RAB40C: variants seen among roughly 807,000 people sequenced by gnomAD.
The protein encoded by RAB40C is ras-related protein Rab-40C.
In RAB40C, 8 loss-of-function variants were observed where a neutral mutation model predicts 28.1. That is an observed-to-expected ratio of 0.28 (90% CI 0.17 to 0.51). The LOEUF is 0.51. RAB40C is among the 20% of genes least tolerant of loss of function. The pLI is 0.97. For synonymous variants in RAB40C, 201 were observed against 171.7 expected (o/e 1.17, Z -1.34); for missense variants, 288 against 405.9 (o/e 0.71, Z 2.50).
At chr16:616,408 G>A (rs2036586340) in intron 1 of RAB40C, among the ~76,000 whole-genome samples, 3 of 150,780 alleles carry the variant, frequency 2.0e-5, no homozygotes, top group Admixed American at 6.6e-5. Context: ...ACATGATCTC[G>A]GCTCACTGCA....
chr16:621,551 C>T (rs901149129), intron 3 of RAB40C, among the ~76,000 whole-genome samples: 8 of 152,254 alleles, frequency 5.3e-5, no homozygotes, highest in African/African-American at 1.4e-4. Flanking sequence ...AGGCCCTTCA[C>T]GTGCCGCCGA....
At chr16:621,637 C>T (rs1461966066) in intron 3 of RAB40C, among the ~76,000 whole-genome samples, 2 of 152,226 alleles carry the variant, frequency 1.3e-5, no homozygotes, top group African/African-American at 2.4e-5. Flanking sequence ...CTCTCAGAAG[C>T]GGGTGCCACA....
chr16:627,790 C>A lies in RAB40C; in HGVS notation c.*168C>A. On this transcript the variant is annotated 3_prime_UTR_variant, in exon 6 of 6. Coordinates refer to ENST00000248139, the MANE Select transcript of RAB40C (RefSeq NM_021168.5). ...GGGTGCGAGGAGGAGCATGCACGGA[C>A]CAAGCGCGGCAGGCGGGAGGAGGGG... 1.2e-6 allele frequency: 1 copy of A among 811,480 alleles called. No homozygotes were observed. 50.3% of individuals were successfully genotyped at this position (811,480 alleles called of 1,614,324 possible).
rs375325900 is a variant in RAB40C at position 625,907 on chromosome 16, C to T, written c.351C>T (p.Pro117=). ...GAGTTCTGTGCCCCCAGCATGCACC[C>T]GGAGTCCCCCGGATCTTGGTTGGAA... is the stretch of plus-strand genomic sequence containing the variant. ...RWIKEIDEHA[P]GVPRILVGNR... is the part of the protein sequence containing the mutation. The change falls in exon 5 of 6, where the codon CCC becomes CCT. Residue 117 remains proline (P), a synonymous_variant. Coordinates refer to ENST00000248139, the MANE Select transcript of RAB40C (RefSeq NM_021168.5). 28 of 1,612,076 alleles carry T rather than the reference C, an allele frequency of 1.7e-5. 1 individual carries two copies. The highest frequency in any genetic ancestry group is 9.9e-5 in the South Asian group (9 of 90,946).
At chr16:617,086 G>T in intron 1 of RAB40C, 122 bp from the exon 2 acceptor site, 1 of 1,015,318 alleles carries the variant, frequency 9.8e-7, no homozygotes, top group Non-Finnish European at 1.5e-6. Context: ...GCTGAGTGTG[G>T]GGGAGCTGCT....
chr16:611,442 G>T (rs2036482597), intron 1 of RAB40C, among the ~76,000 whole-genome samples: 1 of 152,336 alleles, frequency 6.6e-6, no homozygotes, highest in South Asian at 2.1e-4. Context: ...CAGCCTCATG[G>T]GGGCTTCAAC....
chr16:617,393 C>T (rs1286067663), intron 2 of RAB40C, 125 bp downstream of exon 2: 3 of 1,124,736 alleles, frequency 2.7e-6, no homozygotes, highest in Admixed American at 1.8e-5. Context: ...ACTTACACAG[C>T]CCCTGTTTAA....
intron 1 of RAB40C, among the ~76,000 whole-genome samples, chr16:616,151 C>G (rs57189673): frequency 0.18 from 26,468 of 149,864 alleles, 2,526 homozygotes; most frequent in South Asian, 0.27. Context: ...AGCTACTCAG[C>G]AGGCTGAGGC....
intron 3 of RAB40C, chr16:624,899 C>A: frequency 7.8e-7 from 1 of 1,276,132 alleles, no homozygotes; most frequent in Non-Finnish European, 1.0e-6. Context: ...TAATTGGTCT[C>A]TAAGGGATGT....
intron 1 of RAB40C, among the ~76,000 whole-genome samples, chr16:615,803 A>G (rs1465511914): frequency 1.3e-5 from 2 of 152,098 alleles, no homozygotes; most frequent in Admixed American, 1.3e-4. Flanking sequence ...CTCTACTAAA[A>G]TTATAAAAAT....
intron 1 of RAB40C, among the ~76,000 whole-genome samples, chr16:615,520 C>T (rs2151074513): frequency 6.6e-6 from 1 of 152,292 alleles, no homozygotes; most frequent in South Asian, 2.1e-4. Context: ...GGGCTGAGCC[C>T]TAAAGGTAGA....
intron 3 of RAB40C, among the ~76,000 whole-genome samples, chr16:618,827 G>A (rs2036649069): frequency 7.6e-6 from 1 of 130,804 alleles, no homozygotes; most frequent in African/African-American, 3.0e-5. Flanking sequence ...TGTAGTGGGT[G>A]CACTCGGCCA....
At chr16:593,132 A>G (rs374410326) in intron 1 of RAB40C, among the ~76,000 whole-genome samples, 3 of 152,206 alleles carry the variant, frequency 2.0e-5, no homozygotes, top group South Asian at 2.1e-4. Context: ...TTCTGTGTCT[A>G]AGGTCTCAAG....
chr16:605,567 C>A (rs973084075), intron 1 of RAB40C, among the ~76,000 whole-genome samples: 3 of 152,236 alleles, frequency 2.0e-5, no homozygotes, highest in Admixed American at 6.5e-5. Flanking sequence ...GCAAACTCTC[C>A]TGTGTCCGGC....
rs765148251 is a variant in RAB40C, at chr16:617,257, G to A, written c.192G>A (p.Lys64=). 9 of 1,614,070 alleles carry A rather than the reference G, an allele frequency of 5.6e-6. No homozygotes were observed. Among genetic ancestry groups the A allele is most frequent in the Admixed American group, 3.3e-5 (2 of 60,014 alleles). The change falls in exon 2 of 6, where the codon AAG becomes AAA. Residue 64 remains lysine (K), a synonymous_variant. Transcript: ENST00000248139. ...TTILLDGRRV[K]LELWDTSGQG... ...TCCTGCTGGACGGCCGGCGCGTGAA[G>A]CTGGAGCTCTGGTGAGTTGGGGCTG...
chr16:592,236 ATT>A (rs2036016269), intron 1 of RAB40C, among the ~76,000 whole-genome samples: 1 of 151,956 alleles, frequency 6.6e-6, no homozygotes, highest in Non-Finnish European at 1.5e-5. Context: ...AGCGTCTGCT[ATT>A]TGCTGAATTG....
At chr16:590,041 TG>T (rs1228583161), upstream of RAB40C, 2 of 98,866 alleles carry the variant, frequency 2.0e-5, no homozygotes, top group Non-Finnish European at 4.0e-5. Context: ...GGGTGGCCAA[TG>T]GCGGCGGCGC....
chr16:610,302 C>T lies in RAB40C; in HGVS notation c.143-6906C>T, dbSNP rs976572796. Among the ~76,000 whole-genome samples the T allele has an allele frequency of 3.9e-5, 6 of 152,004 alleles. No homozygotes were observed. Among genetic ancestry groups the T allele is most frequent in the South Asian group, 2.1e-4 (1 of 4,820 alleles). On this transcript the variant is annotated intron_variant, in intron 1 of 5. Coordinates refer to ENST00000248139, the MANE Select transcript of RAB40C (RefSeq NM_021168.5). This position sits in a 1 kb window ranked among gnomAD's most constrained non-coding sequence, Gnocchi z 4.6. ...GTGTCTCATGGGGTTGTGTTCAGGT[C>T]GGCTGAGAGGCAGCGCCTGGCTGGG...
Position 590,265 on chromosome 16 carries a change from C to T in RAB40C, c.-27C>T. On this transcript the variant is annotated 5_prime_UTR_variant, in exon 1 of 6. Coordinates refer to ENST00000248139, the MANE Select transcript of RAB40C (RefSeq NM_021168.5). The stretch of plus-strand genomic sequence containing the variant: ...CACCCGGCGGTGCTTCGGCAGGCGG[C>T]CGGCGCGGGGCGCAGGCGGCGCGGC... The T allele has an allele frequency of 2.8e-6, 4 of 1,442,418 alleles. No individual in the cohort carries two copies. Among genetic ancestry groups the T allele is most frequent in the Admixed American group, 2.8e-5 (1 of 36,026 alleles). 89.4% of individuals were successfully genotyped at this position (1,442,418 alleles called of 1,614,324 possible).
Sources: allele counts gnomAD v4.1 joint callset (sites outside exome capture counted in the v4.1 genomes callset), GRCh38; gene constraint gnomAD v4.1.1; non-coding constraint Gnocchi (gnomAD v3.1); transcripts MANE v1.5; gene names NCBI Gene and HGNC (gene_info 2026-07-23, HGNC 2026-07-21).